Variants in CNKSR2 observed in about 807,000 individuals in gnomAD.
CNKSR2 encodes connector enhancer of kinase suppressor of Ras 2, also known as CNK homolog protein 2.
CNKSR2 carries 14 observed loss-of-function variants against 84.4 expected under a neutral mutation model. The observed-to-expected ratio is 0.17, with a 90% confidence interval of 0.11 to 0.26. The LOEUF is 0.26. Ranked by LOEUF, CNKSR2 falls within the 10% of genes least tolerant of loss-of-function variation. CNKSR2 has a pLI of 1.00. For missense variants in CNKSR2, 485 were observed against 771.2 expected (o/e 0.63, Z 4.40); for synonymous variants, 275 against 277.9 (o/e 0.99, Z 0.10).
intron 20 of CNKSR2, among the ~76,000 whole-genome samples, chrX:21,628,153 A>G (rs2092632212): frequency 8.9e-6 from 1 of 112,059 alleles, no homozygotes; most frequent in Admixed American, 9.4e-5. Flanking sequence ...TAAAGCTCCA[A>G]AATGATCTCC....
intron 18 of CNKSR2, among the ~76,000 whole-genome samples, chrX:21,603,529 G>A (rs2092496508): frequency 8.9e-6 from 1 of 112,541 alleles, no homozygotes; most frequent in Non-Finnish European, 1.9e-5. Flanking sequence ...TAAATAGCCA[G>A]TATAGCTTAG....
intron 1 of CNKSR2, among the ~76,000 whole-genome samples, chrX:21,375,244 C>G (rs73449411): frequency 0.052 from 5,850 of 112,687 alleles, 365 homozygotes; most frequent in African/African-American, 0.17. Flanking sequence ...GCGCATCTTG[C>G]GTACTCCCCT....
At chrX:21,535,389 A>G (rs1222861758) in intron 11 of CNKSR2, among the ~76,000 whole-genome samples, 3 of 109,935 alleles carry the variant, frequency 2.7e-5, no homozygotes, top group East Asian at 2.8e-4. Flanking sequence ...CAAATTTTGG[A>G]TTTTTTTTCT....
At chrX:21,543,459 A>T (rs775134857) in intron 11 of CNKSR2, among the ~76,000 whole-genome samples, 10 of 112,681 alleles carry the variant, frequency 8.9e-5, no homozygotes, top group Admixed American at 2.8e-4. Flanking sequence ...CATCAAGCTG[A>T]TGGTGGTAAG....
At chrX:21,588,001 C>T (rs1268049019) in intron 13 of CNKSR2, among the ~76,000 whole-genome samples, 1 of 111,668 alleles carries the variant, frequency 9.0e-6, no homozygotes, top group Non-Finnish European at 1.9e-5. Context: ...TTCCTGTGCT[C>T]TCTCCCTCCC....
intron 17 of CNKSR2, among the ~76,000 whole-genome samples, chrX:21,599,364 G>A (rs1483561732): frequency 1.9e-5 from 2 of 105,674 alleles, no homozygotes; most frequent in African/African-American, 7.1e-5. Context: ...GTGTGTGTGT[G>A]TGTGTGTGTG....
At chrX:21,457,853 T>A (rs1271022812) in intron 4 of CNKSR2, among the ~76,000 whole-genome samples, 2 of 112,166 alleles carry the variant, frequency 1.8e-5, no homozygotes, top group Non-Finnish European at 3.8e-5. Flanking sequence ...TTACAAAACA[T>A]TTCCATATCA....
intron 1 of CNKSR2, among the ~76,000 whole-genome samples, chrX:21,416,650 T>C (rs984139532): frequency 9.0e-6 from 1 of 111,437 alleles, no homozygotes; most frequent in African/African-American, 3.3e-5. Flanking sequence ...TTCTTTATGG[T>C]TCAATCTTGG....
intron 4 of CNKSR2, among the ~76,000 whole-genome samples, chrX:21,450,850 T>C (rs1395230943): frequency 1.8e-5 from 2 of 111,851 alleles, no homozygotes; most frequent in Non-Finnish European, 3.8e-5. Flanking sequence ...ATCTTTTCTG[T>C]AATACAAATC....
intron 7 of CNKSR2, among the ~76,000 whole-genome samples, chrX:21,499,317 C>A (rs2091535425): frequency 9.0e-6 from 1 of 111,449 alleles, no homozygotes; most frequent in African/African-American, 3.3e-5. Context: ...TAGTTTGGTG[C>A]CATCAAGGCG....
At chrX:21,572,376 T>A (rs1246586270) in intron 13 of CNKSR2, among the ~76,000 whole-genome samples, 1 of 112,900 alleles carries the variant, frequency 8.9e-6, no homozygotes, top group Non-Finnish European at 1.9e-5. Flanking sequence ...GGTTACAAAT[T>A]GAATAATCAT....
rs1383407805 is a variant in CNKSR2 at position 21,646,477 on chromosome X, T to C, written c.2693-2354T>C. On this transcript the variant is annotated intron_variant, in intron 20 of 21. Transcript: ENST00000379510. ...TTGAAATTTTATAAAATCAGTTATC[T>C]GCCCCAGTATTTCACAAGCTTTAAG... Among the ~76,000 whole-genome samples the C allele has an allele frequency of 9.8e-5, 11 of 112,037 alleles. No homozygotes were observed. The Admixed American group carries it at 1.0e-3, about 11-fold the overall frequency.
intron 11 of CNKSR2, among the ~76,000 whole-genome samples, chrX:21,550,033 C>T (rs1352207314): frequency 8.9e-6 from 1 of 111,802 alleles, no homozygotes; most frequent in Non-Finnish European, 1.9e-5. Context: ...ACTAAAACAC[C>T]AAAAGCAATG....
intron 1 of CNKSR2, among the ~76,000 whole-genome samples, chrX:21,411,688 T>C (rs990413983): frequency 9.0e-6 from 1 of 110,968 alleles, no homozygotes; most frequent in African/African-American, 3.3e-5. Context: ...CTTGCCACAC[T>C]TCTCCCAGAA....
In CNKSR2 at chrX:21,583,155, T is replaced by C. The variant is rs1172489310; in HGVS notation, c.1609-7417T>C. Among the ~76,000 whole-genome samples, 3 of 111,496 alleles carry C rather than the reference T, an allele frequency of 2.7e-5. No individual in the cohort carries two copies. The East Asian group carries it at 8.5e-4, about 32-fold the overall frequency. ...AAGTTTAAAAAAAATCAGGTCGACCTGACTGACAGAATCCAGAGCTACCTC... is the reference window on the plus strand; with the variant it reads ...AAGTTTAAAAAAAATCAGGTCGACCCGACTGACAGAATCCAGAGCTACCTC... On this transcript the variant is annotated intron_variant, in intron 13 of 21. Coordinates refer to ENST00000379510, the MANE Select transcript of CNKSR2 (RefSeq NM_014927.5).
chrX:21,466,334 AT>A (rs2091127448), intron 4 of CNKSR2, among the ~76,000 whole-genome samples: 1 of 111,270 alleles, frequency 9.0e-6, no homozygotes, highest in Admixed American at 9.6e-5. Context: ...TTGGGAAAGG[AT>A]TTGGCCCCAA....
chrX:21,623,567 T>C (rs2092610868), intron 20 of CNKSR2, among the ~76,000 whole-genome samples: 1 of 111,872 alleles, frequency 8.9e-6, no homozygotes, highest in African/African-American at 3.2e-5. Flanking sequence ...TTTTCACACA[T>C]AGCCAGTGAT....
At chrX:21,440,808 T>C in intron 4 of CNKSR2, 27 bp downstream of exon 4, 1 of 946,211 alleles carries the variant, frequency 1.1e-6, no homozygotes, top group Non-Finnish European at 1.5e-6. Flanking sequence ...TTTCCTTCTG[T>C]TAATTTATTA....
intron 3 of CNKSR2, among the ~76,000 whole-genome samples, chrX:21,439,669 A>C (rs986545112): frequency 9.0e-6 from 1 of 110,866 alleles, no homozygotes; most frequent in African/African-American, 3.3e-5. Context: ...TAAATTTGGC[A>C]GCTCAGATGA....
Sources: allele counts gnomAD v4.1 joint callset (sites outside exome capture counted in the v4.1 genomes callset), GRCh38; gene constraint gnomAD v4.1.1; transcripts MANE v1.5; gene names NCBI Gene and HGNC (gene_info 2026-07-23, HGNC 2026-07-21).